Variants in GRIN2A observed in about 807,000 individuals in gnomAD.
GRIN2A encodes glutamate receptor ionotropic, NMDA 2A.
In GRIN2A, 22 loss-of-function variants were observed where a neutral mutation model predicts 113.4. The ratio of observed to expected loss-of-function variants is 0.19; its 90% CI spans 0.14 to 0.28. The LOEUF (loss-of-function observed/expected upper bound fraction) is 0.28, where lower values mean the gene tolerates loss of function less well. Ranked by LOEUF, GRIN2A falls within the 10% of genes least tolerant of loss-of-function variation. The pLI is 1.00. For synonymous variants in GRIN2A, 827 were observed against 738.4 expected, an observed-to-expected ratio of 1.12 and a Z score of -1.94; for missense variants, 1,502 against 1,887.0, an observed-to-expected ratio of 0.80 and a Z score of 3.78.
At chr16:9,896,611 G>A (rs2043812519) in intron 3 of GRIN2A, among the ~76,000 whole-genome samples, 1 of 152,066 alleles carries the variant, frequency 6.6e-6, no homozygotes, top group Admixed American at 6.5e-5. Context: ...AATATTCTGG[G>A]TGAATGACTC....
chr16:10,111,787 C>A, intron 2 of GRIN2A: 1 of 1,447,804 alleles, frequency 6.9e-7, no homozygotes. Flanking sequence ...GGCCAAGATC[C>A]GGCATGGCTT....
At chr16:9,765,456 A>T (rs919320521) in intron 12 of GRIN2A, among the ~76,000 whole-genome samples, 1 of 152,218 alleles carries the variant, frequency 6.6e-6, no homozygotes, top group East Asian at 1.9e-4. Flanking sequence ...ACAATCAAAG[A>T]ATGTGTCCTA....
rs543670403 is a variant in GRIN2A, at chr16:10,159,425, T to C, written c.414+20573A>G. On this transcript the variant is annotated intron_variant, in intron 2 of 12. Transcript: ENST00000330684. ...AAGAGGTTGAGGCTACAACTGTAGA[T>C]TGTGGAGGCATCTGCAAAGCTCCAA... Among the ~76,000 whole-genome samples, 25 of 152,250 alleles carry C rather than the reference T, an allele frequency of 1.6e-4. No individual in the cohort carries two copies. The South Asian group carries it at 5.0e-3, about 30-fold the overall frequency.
chr16:10,010,804 G>C (rs2046491231), intron 2 of GRIN2A, among the ~76,000 whole-genome samples: 1 of 152,116 alleles, frequency 6.6e-6, no homozygotes, highest in Non-Finnish European at 1.5e-5. Context: ...TGTCTCTCCA[G>C]GGAGGCCATG....
intron 7 of GRIN2A, 114 bp downstream of exon 7, chr16:9,840,533 G>T (rs896395309): frequency 8.2e-6 from 8 of 974,838 alleles, no homozygotes; most frequent in South Asian, 4.0e-5. Flanking sequence ...TCTGAAATAT[G>T]CTGCCATGGC....
intron 2 of GRIN2A, among the ~76,000 whole-genome samples, chr16:10,039,808 G>GGGAGGGAGAGAGAGAGAGA (rs1555469298): frequency 1.6e-5 from 1 of 63,812 alleles, no homozygotes; most frequent in African/African-American, 7.8e-5. Context: ...GGGAGGGGGG[G>GGGAGGGAGAGAGAGAGAGA]GAGAAAGAGA....
Position 10,081,066 on chromosome 16 carries a change from C to A in GRIN2A, c.414+98932G>T, listed in dbSNP as rs1596485719. Among the ~76,000 whole-genome samples, 4 of 152,304 alleles carry A rather than the reference C, an allele frequency of 2.6e-5. No individual in the cohort carries two copies. In the South Asian group the frequency reaches 8.3e-4, roughly 32 times the overall value. On this transcript the variant is annotated intron_variant, in intron 2 of 12. Transcript: ENST00000330684. Reference sequence around the variant, plus strand: ...GCCTTTTGTGTTTGCAGAGTCCCAACTGCAGAAGAGAGTGACATGCCATAA... The same window carrying A: ...GCCTTTTGTGTTTGCAGAGTCCCAAATGCAGAAGAGAGTGACATGCCATAA...
chr16:10,038,091 T>G (rs2047068096), intron 2 of GRIN2A, among the ~76,000 whole-genome samples: 1 of 152,190 alleles, frequency 6.6e-6, no homozygotes, highest in Admixed American at 6.5e-5. Context: ...CAGACTTTAT[T>G]TCTCTCAGTT....
intron 2 of GRIN2A, among the ~76,000 whole-genome samples, chr16:10,055,034 C>T (rs111788619): frequency 0.032 from 2,624 of 82,288 alleles, 121 homozygotes; most frequent in African/African-American, 0.11. Context: ...GGCAACAGAG[C>T]GAGACTCTAT....
rs201420821 is a variant in GRIN2A at position 10,109,892 on chromosome 16, A to AT, written c.414+70105_414+70106insA. Among the ~76,000 whole-genome samples the AT allele has an allele frequency of 2.8e-4, 40 of 142,756 alleles. No individual in the cohort carries two copies. In the East Asian group the frequency reaches 8.1e-3, roughly 29 times the overall value. The allele number at this position is 142,756 out of a possible 152,430, so 93.7% of individuals were successfully genotyped here. A position where few individuals can be genotyped will look rare whatever the true frequency, so the allele number is the denominator to read the frequency against. Reference sequence around the variant, plus strand: ...TACTATGTACCCACAAAAAAAATAAAATTTTTTTTAATTTTATTATTATTA... The same window carrying AT: ...TACTATGTACCCACAAAAAAAATAAATATTTTTTTTAATTTTATTATTATTA... On this transcript the variant is annotated intron_variant, in intron 2 of 12. Transcript: ENST00000330684.
chr16:9,872,567 G>A (rs1425711071), intron 4 of GRIN2A, among the ~76,000 whole-genome samples: 2 of 152,090 alleles, frequency 1.3e-5, no homozygotes, highest in Non-Finnish European at 2.9e-5. Context: ...AAGCCTCCAT[G>A]TCATTTTGGT....
chr16:10,083,227 G>A (rs759829708), intron 2 of GRIN2A, among the ~76,000 whole-genome samples: 2 of 152,212 alleles, frequency 1.3e-5, no homozygotes, highest in Non-Finnish European at 2.9e-5. Flanking sequence ...TTCTGGGTGT[G>A]CAAATCTGTG....
intron 3 of GRIN2A, among the ~76,000 whole-genome samples, chr16:9,927,197 C>T (rs2044484974): frequency 6.6e-6 from 1 of 152,190 alleles, no homozygotes; most frequent in African/African-American, 2.4e-5. Flanking sequence ...CTTCATGCCT[C>T]CTGTAAGAAT....
At chr16:10,150,182 C>G (rs2049537947) in intron 2 of GRIN2A, among the ~76,000 whole-genome samples, 1 of 152,224 alleles carries the variant, frequency 6.6e-6, no homozygotes, top group Admixed American at 6.5e-5. Flanking sequence ...TTGCAGTTCA[C>G]TACTTATGGA....
chr16:10,088,773 A>C (rs1046034277), intron 2 of GRIN2A, among the ~76,000 whole-genome samples: 3 of 152,270 alleles, frequency 2.0e-5, no homozygotes, highest in African/African-American at 7.2e-5. Context: ...CTGGAGTCCA[A>C]AACAGTCTCC....
At chr16:10,070,483 A>C (rs2142028903) in intron 2 of GRIN2A, among the ~76,000 whole-genome samples, 1 of 152,282 alleles carries the variant, frequency 6.6e-6, no homozygotes, top group African/African-American at 2.4e-5. Context: ...AGCCATCTAC[A>C]ACATTGCCAT....
chr16:9,890,504 CCTCT>C (rs557509608), intron 4 of GRIN2A, among the ~76,000 whole-genome samples: 93 of 152,204 alleles, frequency 6.1e-4, no homozygotes, highest in South Asian at 2.1e-3. Context: ...AAATAACCTC[CCTCT>C]CTAACTCATG....
At chr16:9,823,138 T>A (rs1437041285) in intron 9 of GRIN2A, among the ~76,000 whole-genome samples, 1 of 152,188 alleles carries the variant, frequency 6.6e-6, no homozygotes, top group African/African-American at 2.4e-5. Context: ...AGTCCATGCA[T>A]CACCAGTCTT....
chr16:9,850,913 C>T (rs986348590), intron 4 of GRIN2A, among the ~76,000 whole-genome samples: 2 of 152,208 alleles, frequency 1.3e-5, no homozygotes, highest in East Asian at 1.9e-4. Flanking sequence ...GCCCCCGCAC[C>T]GCTCTTTCTC....
Sources: gnomAD v4.1 joint callset for allele counts (sites outside exome capture counted in the v4.1 genomes callset) on GRCh38, gnomAD v4.1.1 for gene constraint, MANE v1.5 for transcripts, NCBI Gene and HGNC (gene_info 2026-07-23, HGNC 2026-07-21) for gene names.